Variants in RNF149 observed in about 807,000 individuals in gnomAD.
The protein encoded by RNF149 is E3 ubiquitin-protein ligase RNF149.
In RNF149, 21 loss-of-function variants were observed where a neutral mutation model predicts 39.0. The observed-to-expected ratio is 0.54, with a 90% CI of 0.38 to 0.77. The LOEUF (loss-of-function observed/expected upper bound fraction) is 0.77. Ranked by LOEUF, RNF149 falls within the 30% of genes least tolerant of loss-of-function variation. The pLI is 0.00. For missense variants in RNF149, 493 were observed against 534.9 expected (o/e 0.92, Z 0.77); for synonymous variants, 209 against 213.6 (o/e 0.98, Z 0.19).
At chr2:101,294,718 A>G in intron 2 of RNF149, 1 of 525,094 alleles carries the variant, frequency 1.9e-6, no homozygotes, top group African/African-American at 1.9e-5. Context: ...AAATGTGCAA[A>G]AGGTAACCCA....
rs565477261 is a variant in RNF149 at position 101,277,739 on chromosome 2, C to A, written c.1160-458G>T. Reference sequence around the variant, plus strand: ...CATGGAAAACTGATAACCCATTCCACTGATAGCCAACAAGAAAAATCGGTA... The same window carrying A: ...CATGGAAAACTGATAACCCATTCCAATGATAGCCAACAAGAAAAATCGGTA... On this transcript the variant is annotated intron_variant, in intron 6 of 6. Transcript: ENST00000295317. Among the ~76,000 whole-genome samples the A allele has an allele frequency of 2.6e-5, 4 of 152,294 alleles. No homozygotes were observed. In the East Asian group the frequency reaches 7.7e-4, roughly 29 times the overall value.
At position 101,295,121 on chromosome 2, in the gene RNF149, A is replaced by G; in HGVS notation, c.521T>C (p.Leu174Pro). The change falls in exon 2 of 7, where the codon CTG becomes CCG. Residue 174 changes from leucine to proline, a missense_variant. Coordinates refer to ENST00000295317, the MANE Select transcript of RNF149 (RefSeq NM_173647.4). ...SYPKGREILE[L>P]VQKGIPVTMT... ...CGTTACTGGAATTCCTTTTTGCACC[A>G]GCTCCAAAATTTCTCTTCCTTTTGG... 1 of 1,614,106 alleles carries G rather than the reference A, an allele frequency of 6.2e-7. No homozygotes were observed. Among genetic ancestry groups the G allele is most frequent in the South Asian group, 1.1e-5 (1 of 91,088 alleles).
At chr2:101,280,042 C>T (rs1682511245) in intron 6 of RNF149, among the ~76,000 whole-genome samples, 1 of 151,984 alleles carries the variant, frequency 6.6e-6, no homozygotes, top group Non-Finnish European at 1.5e-5. Context: ...CCTGTAATCC[C>T]AGCACTTTGG....
At chr2:101,294,165 C>T (rs1158826905) in intron 2 of RNF149, 83 bp from the exon 3 acceptor site, 5 of 738,152 alleles carry the variant, frequency 6.8e-6, no homozygotes, top group Admixed American at 2.3e-5. Flanking sequence ...ATATAATACA[C>T]ATAAGCATAC....
At chr2:101,299,955 G>A (rs574282163) in intron 1 of RNF149, among the ~76,000 whole-genome samples, 2 of 152,252 alleles carry the variant, frequency 1.3e-5, no homozygotes, top group African/African-American at 2.4e-5. Flanking sequence ...GACAGACCTG[G>A]GTGCAAAAAT....
rs560345754 is a variant in RNF149 at position 101,301,475 on chromosome 2, T to A, written c.461-6294A>T. Among the ~76,000 whole-genome samples the A allele has an allele frequency of 2.0e-5, 3 of 151,884 alleles. No homozygotes were observed. The South Asian group carries it at 6.2e-4, about 32-fold the overall frequency. On this transcript the variant is annotated intron_variant, in intron 1 of 6. Transcript: ENST00000295317. ...CTCTAATAGCTGGGACTGTGCCACCTCACCCAGCTAATTTTTATATTTTTT... is the reference window on the plus strand; with the variant it reads ...CTCTAATAGCTGGGACTGTGCCACCACACCCAGCTAATTTTTATATTTTTT...
At chr2:101,306,472 A>G (rs544087681) in intron 1 of RNF149, among the ~76,000 whole-genome samples, 4 of 152,322 alleles carry the variant, frequency 2.6e-5, no homozygotes, top group African/African-American at 9.6e-5. Flanking sequence ...CACTGAACGT[A>G]GTGCCTAGCC....
chr2:101,282,032 A>G lies in RNF149; in HGVS notation c.986T>C (p.Met329Thr), dbSNP rs111907960. ...YWGEPGDVQE[M>T]PAPESPPGRD... Reference sequence around the variant, plus strand: ...TCCAGGAGGAGATTCTGGAGCAGGCATCTCCTGTACATCCCCAGGCTCTCC... The same window carrying G: ...TCCAGGAGGAGATTCTGGAGCAGGCGTCTCCTGTACATCCCCAGGCTCTCC... Residue 329 changes from methionine to threonine, a missense_variant, in exon 6 of 7, where the codon ATG becomes ACG. Met to Thr is a moderately conservative substitution (Grantham distance 81, BLOSUM62 -1). Transcript: ENST00000295317. 29 of 1,614,066 alleles carry G rather than the reference A, an allele frequency of 1.8e-5. 1 individual carries two copies. Among genetic ancestry groups the G allele is most frequent in the African/African-American group, 1.7e-4 (13 of 75,010 alleles).
rs1553438274 is a variant in RNF149, at chr2:101,281,511, T to TTA, written c.1159+347_1159+348insTA. 2.4e-3 allele frequency: 286 copies of TTA among 119,270 alleles called. 16 individuals are homozygous for TTA. Among genetic ancestry groups the TTA allele is most frequent in the African/African-American group, 4.6e-3 (154 of 33,842 alleles). 7.4% of individuals were successfully genotyped at this position (119,270 alleles called of 1,614,324 possible). A position where few individuals can be genotyped will look rare whatever the true frequency, so the allele number is the denominator to read the frequency against. On this transcript the variant is annotated intron_variant, in intron 6 of 6. Coordinates refer to ENST00000295317, the MANE Select transcript of RNF149 (RefSeq NM_173647.4). ...TTCCTTTTTTTTTTTTTTTTTTTTTTAAGAGACAGGGTCTTGCTCTGTCAC... is the reference window on the plus strand; with the variant it reads ...TTCCTTTTTTTTTTTTTTTTTTTTTTTAAAGAGACAGGGTCTTGCTCTGTCAC...
chr2:101,294,118 A>C (rs1316536525), intron 2 of RNF149, 36 bp from the exon 3 acceptor site: 2 of 1,131,342 alleles, frequency 1.8e-6, no homozygotes, highest in African/African-American at 3.1e-5. Flanking sequence ...TTATTGAAAA[A>C]TTTAAATTAA....
chr2:101,299,500 G>A (rs1683369668), intron 1 of RNF149, among the ~76,000 whole-genome samples: 1 of 152,186 alleles, frequency 6.6e-6, no homozygotes, highest in Non-Finnish European at 1.5e-5. Context: ...TAAGAAGGAT[G>A]TATATAGAAA....
chr2:101,307,857 C>T, intron 1 of RNF149: 1 of 985,446 alleles, frequency 1.0e-6, no homozygotes, highest in Non-Finnish European at 1.2e-6. Context: ...GAACCACAAG[C>T]CTCCTTCTGT....
chr2:101,305,173 C>T (rs1683608352), intron 1 of RNF149, among the ~76,000 whole-genome samples: 1 of 152,094 alleles, frequency 6.6e-6, no homozygotes, highest in Admixed American at 6.5e-5. Context: ...CCACCTCTAC[C>T]TATTTCACAG....
At chr2:101,296,215 G>A (rs1317275538) in intron 1 of RNF149, among the ~76,000 whole-genome samples, 1 of 152,110 alleles carries the variant, frequency 6.6e-6, no homozygotes, top group Non-Finnish European at 1.5e-5. Flanking sequence ...GAGACAATAT[G>A]AGAATTTCTA....
At chr2:101,275,342 C>A (rs558176567), downstream of RNF149, among the ~76,000 whole-genome samples, 106 of 149,334 alleles carry the variant, frequency 7.1e-4, no homozygotes, top group African/African-American at 2.5e-3. Flanking sequence ...TGGTCTCGAT[C>A]TCCTGATCTT....
At position 101,288,954 on chromosome 2, in the gene RNF149, A is replaced by G; in HGVS notation, c.863+19T>C. The G allele has an allele frequency of 1.6e-6, 2 of 1,259,848 alleles. No homozygotes were observed. Among genetic ancestry groups the G allele is most frequent in the African/African-American group, 1.5e-5 (1 of 67,126 alleles). The allele number at this position is 1,259,848 out of a possible 1,614,324, so 78.0% of individuals were successfully genotyped here. ...TTGTCAAGTAATTTTTAACATCTCA[A>G]TATGTAAAAAGAACATACTTGCATG... On this transcript the variant is annotated intron_variant, in intron 4 of 6. Transcript: ENST00000295317.
intron 5 of RNF149, 107 bp downstream of exon 5, chr2:101,285,974 A>G (rs1573230508): frequency 1.5e-6 from 1 of 659,172 alleles, no homozygotes; most frequent in East Asian, 2.6e-5. Flanking sequence ...AACTACAAGG[A>G]TATTAGGAGC....
Position 101,276,868 on chromosome 2 carries a change from T to C in RNF149, c.*370A>G. 2.9e-6 allele frequency: 3 copies of C among 1,017,196 alleles called. No individual in the cohort carries two copies. The highest frequency in any genetic ancestry group is 3.5e-5 in the South Asian group (1 of 28,288). 63.0% of individuals were successfully genotyped at this position (1,017,196 alleles called of 1,614,324 possible). On this transcript the variant is annotated 3_prime_UTR_variant, in exon 7 of 7. Coordinates refer to ENST00000295317, the MANE Select transcript of RNF149 (RefSeq NM_173647.4). ...CAATTCCACTTCAACTAGTCTAACA[T>C]TGATGTGCTTTGCCAAAAACCTTGA...
At chr2:101,283,551 T>C (rs1682672488) in intron 5 of RNF149, among the ~76,000 whole-genome samples, 1 of 152,106 alleles carries the variant, frequency 6.6e-6, no homozygotes, top group Non-Finnish European at 1.5e-5. Flanking sequence ...AACTAAAGCA[T>C]ACACTGCAGG....
Sources: gnomAD v4.1 joint callset for allele counts (sites outside exome capture counted in the v4.1 genomes callset) on GRCh38, gnomAD v4.1.1 for gene constraint, MANE v1.5 for transcripts, NCBI Gene and HGNC (gene_info 2026-07-23, HGNC 2026-07-21) for gene names.